The following HES2 variants were observed in gnomAD, a reference collection of about 807,000 sequenced individuals.
HES2 encodes transcription factor HES-2.
Under a neutral mutation model 11.9 loss-of-function variants are expected in HES2, and 11 were observed. That is an observed-to-expected ratio of 0.92 (90% CI 0.58 to 1.53). The LOEUF is 1.53. Ranked by LOEUF, HES2 falls within the 40% of genes most tolerant of loss-of-function variation. The pLI is 0.00. For missense variants in HES2, 260 were observed against 253.8 expected (o/e 1.02, Z -0.16); for synonymous variants, 125 against 122.8 (o/e 1.02, Z -0.12).
Position 6,416,964 on chromosome 1 carries a change from C to T in HES2, c.*1909G>A, listed in dbSNP as rs1642859454. ...TAAATATCCAACAGTGATCCCAGGG[C>T]ATGGGAGTGGGAGTTAAGGCAAATG... is the stretch of plus-strand genomic sequence containing the variant. On this transcript the variant is annotated 3_prime_UTR_variant, in exon 4 of 4. Transcript: ENST00000377834. 1 of 152,326 alleles carries T rather than the reference C, an allele frequency of 6.6e-6. No individual in the cohort carries two copies. Among genetic ancestry groups the T allele is most frequent in the Admixed American group, 6.5e-5 (1 of 15,280 alleles). The allele number at this position is 152,326 out of a possible 1,614,324, so 9.4% of individuals were successfully genotyped here. A position where few individuals can be genotyped will look rare whatever the true frequency, so the allele number is the denominator to read the frequency against.
rs981156652 is a variant in HES2, at chr1:6,419,548, G to A, written c.141+59C>T. On this transcript the variant is annotated intron_variant, in intron 2 of 3. Coordinates refer to ENST00000377834, the MANE Select transcript of HES2 (RefSeq NM_019089.5). This position sits in a 1 kb window ranked among gnomAD's most constrained non-coding sequence, Gnocchi z 8.1. ...TGGGTTCCTCCCGCAGGAGCACCCCGTCCCCCTGCCCCCGCTCCGCGCCCC... is the reference window on the plus strand; with the variant it reads ...TGGGTTCCTCCCGCAGGAGCACCCCATCCCCCTGCCCCCGCTCCGCGCCCC... 5.9e-6 allele frequency: 8 copies of A among 1,358,186 alleles called. No homozygotes were observed. The African/African-American group carries it at 1.2e-4, about 21-fold the overall frequency. The allele number at this position is 1,358,186 out of a possible 1,614,324, so 84.1% of individuals were successfully genotyped here. A position where few individuals can be genotyped will look rare whatever the true frequency, so the allele number is the denominator to read the frequency against.
chr1:6,418,725 G>T lies in HES2; in HGVS notation c.*148C>A. 1 of 754,578 alleles carries T rather than the reference G, an allele frequency of 1.3e-6. No individual in the cohort carries two copies. 46.7% of individuals were successfully genotyped at this position (754,578 alleles called of 1,614,324 possible). A position where few individuals can be genotyped will look rare whatever the true frequency, so the allele number is the denominator to read the frequency against. On this transcript the variant is annotated 3_prime_UTR_variant, in exon 4 of 4. Coordinates refer to ENST00000377834, the MANE Select transcript of HES2 (RefSeq NM_019089.5). ...AGCCCCAGGGCTTTCAGTCTGCCACGCCAGTCACAAACAGCCGGCTTCCGG... is the reference window on the plus strand; with the variant it reads ...AGCCCCAGGGCTTTCAGTCTGCCACTCCAGTCACAAACAGCCGGCTTCCGG...
In HES2 at chr1:6,419,444, G is replaced by T; in HGVS notation, c.142-104C>A. 1.7e-6 allele frequency: 2 copies of T among 1,200,924 alleles called. No individual in the cohort carries two copies. Among genetic ancestry groups the T allele is most frequent in the South Asian group, 1.4e-5 (1 of 70,478 alleles). 74.4% of individuals were successfully genotyped at this position (1,200,924 alleles called of 1,614,324 possible). On this transcript the variant is annotated intron_variant, in intron 2 of 3. Transcript: ENST00000377834. The surrounding 1 kb of genome is among the most constrained non-coding windows in gnomAD (Gnocchi z 8.1). ...TAGTCGGGAGCTGGGTGTGGGGCGC[G>T]CCGTGGCCTGCTGGGGGTCCGCTCC...
chr1:6,419,808 G>C lies in HES2; in HGVS notation c.13C>G (p.Arg5Gly). ...AGCTCCGCCGCGTCCCCTGCCCGGC[G>C]AGGCAGCCCCATGCTCCGCGGGGAA... The part of the protein sequence containing the change: MGLP[R>G]RAGDAAELRK... The change falls in exon 1 of 4, where the codon CGC becomes GGC. Residue 5 changes from arginine to glycine, a missense_variant. Arg to Gly is a moderately radical substitution (Grantham distance 125, BLOSUM62 -2). Transcript: ENST00000377834. The surrounding 1 kb of genome is among the most constrained non-coding windows in gnomAD (Gnocchi z 8.1). 1 of 1,563,250 alleles carries C rather than the reference G, an allele frequency of 6.4e-7. No individual in the cohort carries two copies. The highest frequency in any genetic ancestry group is 8.6e-7 in the Non-Finnish European group (1 of 1,159,554).
chr1:6,418,787 G>T lies in HES2; in HGVS notation c.*86C>A. ...GTACTGGGCTGGCCCCTAATGATGG[G>T]AACAGCAGCCGCCACCAAGAGCTTC... On this transcript the variant is annotated 3_prime_UTR_variant, in exon 4 of 4. Transcript: ENST00000377834. 1 of 1,236,038 alleles carries T rather than the reference G, an allele frequency of 8.1e-7. No homozygotes were observed. The highest frequency in any genetic ancestry group is 1.0e-6 in the Non-Finnish European group (1 of 984,214). 76.6% of individuals were successfully genotyped at this position (1,236,038 alleles called of 1,614,324 possible).
At position 6,419,898 on chromosome 1, in the gene HES2, C is replaced by T; in HGVS notation, c.-78G>A. ...GTCCGAAATGAGGTCCCGGGCGCGGCCCGGGCTGGTGCCAGACGAGTGCGC... is the reference window on the plus strand; with the variant it reads ...GTCCGAAATGAGGTCCCGGGCGCGGTCCGGGCTGGTGCCAGACGAGTGCGC... On this transcript the variant is annotated 5_prime_UTR_variant, in exon 1 of 4. Transcript: ENST00000377834. This position sits in a 1 kb window ranked among gnomAD's most constrained non-coding sequence, Gnocchi z 8.1. The T allele has an allele frequency of 4.9e-6, 7 of 1,440,210 alleles. No homozygotes were observed. Among genetic ancestry groups the T allele is most frequent in the Non-Finnish European group, 6.4e-6 (7 of 1,097,028 alleles). 89.2% of individuals were successfully genotyped at this position (1,440,210 alleles called of 1,614,324 possible).
Position 6,418,626 on chromosome 1 carries a change from C to T in HES2, c.*247G>A. 2 of 391,544 alleles carry T rather than the reference C, an allele frequency of 5.1e-6. No individual in the cohort carries two copies. Among genetic ancestry groups the T allele is most frequent in the Non-Finnish European group, 4.5e-6 (1 of 223,146 alleles). 24.3% of individuals were successfully genotyped at this position (391,544 alleles called of 1,614,324 possible). A position where few individuals can be genotyped will look rare whatever the true frequency, so the allele number is the denominator to read the frequency against. On this transcript the variant is annotated 3_prime_UTR_variant, in exon 4 of 4. Transcript: ENST00000377834. The stretch of plus-strand genomic sequence containing the variant: ...GGGGGGCTTCTTCTTCACCCTGCTG[C>T]CTCTTGTCCTTTCTTCTCCAGCCAA...
At position 6,417,030 on chromosome 1, in the gene HES2, C is replaced by T. The variant is rs1325383576; in HGVS notation, c.*1843G>A. Reference sequence around the variant, plus strand: ...CTCATTACAGGGTAGTCCTCTCATCCTCTGCTCACTAGTCCACTATATTCA... The same window carrying T: ...CTCATTACAGGGTAGTCCTCTCATCTTCTGCTCACTAGTCCACTATATTCA... On this transcript the variant is annotated 3_prime_UTR_variant, in exon 4 of 4. Transcript: ENST00000377834. 2.0e-5 allele frequency: 3 copies of T among 152,282 alleles called. No individual in the cohort carries two copies. The highest frequency in any genetic ancestry group is 7.2e-5 in the African/African-American group (3 of 41,454). 9.4% of individuals were successfully genotyped at this position (152,282 alleles called of 1,614,324 possible).
Position 6,419,484 on chromosome 1 carries a change from AC to A in HES2, c.141+122del. ...GGGTCCGCTCCGACGCGCCCACCCC[AC>A]CCAGGCTCCGCCTCGGGCGCCGCGC... is the stretch of plus-strand genomic sequence containing the variant. On this transcript the variant is annotated intron_variant, in intron 2 of 3. Coordinates refer to ENST00000377834, the MANE Select transcript of HES2 (RefSeq NM_019089.5). This position sits in a 1 kb window ranked among gnomAD's most constrained non-coding sequence, Gnocchi z 8.1. 1 of 1,168,882 alleles carries A rather than the reference AC, an allele frequency of 8.6e-7. No homozygotes were observed. The highest frequency in any genetic ancestry group is 1.2e-6 in the Non-Finnish European group (1 of 852,902). The allele number at this position is 1,168,882 out of a possible 1,614,324, so 72.4% of individuals were successfully genotyped here.
In HES2 at chr1:6,418,777, C is replaced by G. The variant is rs1642877064; in HGVS notation, c.*96G>C. 13 of 1,201,778 alleles carry G rather than the reference C, an allele frequency of 1.1e-5. No homozygotes were observed. The highest frequency in any genetic ancestry group is 1.4e-5 in the Non-Finnish European group (13 of 955,180). 74.4% of individuals were successfully genotyped at this position (1,201,778 alleles called of 1,614,324 possible). On this transcript the variant is annotated 3_prime_UTR_variant, in exon 4 of 4. Transcript: ENST00000377834. Reference sequence around the variant, plus strand: ...CTGGGTGTGGGTACTGGGCTGGCCCCTAATGATGGGAACAGCAGCCGCCAC... The same window carrying G: ...CTGGGTGTGGGTACTGGGCTGGCCCGTAATGATGGGAACAGCAGCCGCCAC...
chr1:6,419,336 G>T lies in HES2; in HGVS notation c.146C>A (p.Ser49Tyr). 6.2e-7 allele frequency: 1 copy of T among 1,609,580 alleles called. No homozygotes were observed. ...TGCCTTCTCTAGCTTCGAGCAGTTG[G>T]AGTTCTGCGCCCGGCCACGAGGAAG... ...LILPLLGREN[S>Y]NCSKLEKADV... The change falls in exon 3 of 4, where the codon TCC (serine) becomes TAC (tyrosine). Residue 49 changes from serine (S) to tyrosine (Y), a missense_variant. Physicochemically the swap from Ser to Tyr is moderately radical, Grantham distance 144. Transcript: ENST00000377834. The surrounding 1 kb of genome is among the most constrained non-coding windows in gnomAD (Gnocchi z 8.1).
chr1:6,418,749 G>C lies in HES2; in HGVS notation c.*124C>G. ...CGCCAGTCACAAACAGCCGGCTTCC[G>C]GCCTGGGTGTGGGTACTGGGCTGGC... On this transcript the variant is annotated 3_prime_UTR_variant, in exon 4 of 4. Transcript: ENST00000377834. 9.9e-7 allele frequency: 1 copy of C among 1,010,804 alleles called. No homozygotes were observed. The highest frequency in any genetic ancestry group is 1.3e-6 in the Non-Finnish European group (1 of 785,950). The allele number at this position is 1,010,804 out of a possible 1,614,324, so 62.6% of individuals were successfully genotyped here.
Position 6,419,431 on chromosome 1 carries a change from G to T in HES2, c.142-91C>A. ...CGCACCCTCGCTCTAGTCGGGAGCT[G>T]GGTGTGGGGCGCGCCGTGGCCTGCT... On this transcript the variant is annotated intron_variant, in intron 2 of 3. Transcript: ENST00000377834. This position sits in a 1 kb window ranked among gnomAD's most constrained non-coding sequence, Gnocchi z 8.1. The T allele has an allele frequency of 7.9e-7, 1 of 1,266,444 alleles. No individual in the cohort carries two copies. The highest frequency in any genetic ancestry group is 1.1e-6 in the Non-Finnish European group (1 of 912,924). 78.5% of individuals were successfully genotyped at this position (1,266,444 alleles called of 1,614,324 possible).
Position 6,419,369 on chromosome 1 carries a change from G to T in HES2, c.142-29C>A. ...CGCCCGGCCACGAGGAAGAGCGACA[G>T]AGAACCACCAAGACAGAACTTTGGC... On this transcript the variant is annotated intron_variant, in intron 2 of 3. Transcript: ENST00000377834. The surrounding 1 kb of genome is among the most constrained non-coding windows in gnomAD (Gnocchi z 8.1). 1 of 1,576,668 alleles carries T rather than the reference G, an allele frequency of 6.3e-7. No individual in the cohort carries two copies.
At position 6,416,322 on chromosome 1, in the gene HES2, G is replaced by T. The variant is rs1195373952; in HGVS notation, c.*2551C>A. On this transcript the variant is annotated 3_prime_UTR_variant, in exon 4 of 4. Coordinates refer to ENST00000377834, the MANE Select transcript of HES2 (RefSeq NM_019089.5). ...AGATAGGGCTTGGGGGGCACCTGAGGAGGAGGTGCCTGCCACTGCCTGTGG... is the reference window on the plus strand; with the variant it reads ...AGATAGGGCTTGGGGGGCACCTGAGTAGGAGGTGCCTGCCACTGCCTGTGG... 1 of 152,296 alleles carries T rather than the reference G, an allele frequency of 6.6e-6. No individual in the cohort carries two copies. Among genetic ancestry groups the T allele is most frequent in the Non-Finnish European group, 1.5e-5 (1 of 68,104 alleles). The allele number at this position is 152,296 out of a possible 1,614,324, so 9.4% of individuals were successfully genotyped here. A position where few individuals can be genotyped will look rare whatever the true frequency, so the allele number is the denominator to read the frequency against.
chr1:6,415,678 G>T lies in HES2; in HGVS notation c.*3195C>A, dbSNP rs539707536. The T allele has an allele frequency of 6.5e-4, 99 of 152,322 alleles. No individual in the cohort carries two copies. The highest frequency in any genetic ancestry group is 2.1e-3 in the African/African-American group (88 of 41,564). The allele number at this position is 152,322 out of a possible 1,614,324, so 9.4% of individuals were successfully genotyped here. A position where few individuals can be genotyped will look rare whatever the true frequency, so the allele number is the denominator to read the frequency against. ...AGGAGCAGGTAGGCGCCTGTCCCAAGCCTGAGTTTCCTGGGAAATCTACAT... is the reference window on the plus strand; with the variant it reads ...AGGAGCAGGTAGGCGCCTGTCCCAATCCTGAGTTTCCTGGGAAATCTACAT... On this transcript the variant is annotated 3_prime_UTR_variant, in exon 4 of 4. Coordinates refer to ENST00000377834, the MANE Select transcript of HES2 (RefSeq NM_019089.5).
chr1:6,417,847 G>T lies in HES2; in HGVS notation c.*1026C>A, dbSNP rs1642868582. 6.6e-6 allele frequency: 1 copy of T among 152,300 alleles called. No homozygotes were observed. The highest frequency in any genetic ancestry group is 2.1e-4 in the South Asian group (1 of 4,836). 9.4% of individuals were successfully genotyped at this position (152,300 alleles called of 1,614,324 possible). A position where few individuals can be genotyped will look rare whatever the true frequency, so the allele number is the denominator to read the frequency against. Reference sequence around the variant, plus strand: ...GATCCACCCGCCTTGGCCTCCCAAAGTGCTGGGATTACAGGCGTGAGCCAC... The same window carrying T: ...GATCCACCCGCCTTGGCCTCCCAAATTGCTGGGATTACAGGCGTGAGCCAC... On this transcript the variant is annotated 3_prime_UTR_variant, in exon 4 of 4. Coordinates refer to ENST00000377834, the MANE Select transcript of HES2 (RefSeq NM_019089.5).
Position 6,416,055 on chromosome 1 carries a change from G to A in HES2, c.*2818C>T, listed in dbSNP as rs983014914. The A allele has an allele frequency of 6.6e-6, 1 of 152,326 alleles. No individual in the cohort carries two copies. The highest frequency in any genetic ancestry group is 1.5e-5 in the Non-Finnish European group (1 of 68,114). The allele number at this position is 152,326 out of a possible 1,614,324, so 9.4% of individuals were successfully genotyped here. A position where few individuals can be genotyped will look rare whatever the true frequency, so the allele number is the denominator to read the frequency against. ...GGTCTCCCGAAGTGCTGGCATTACA[G>A]ACGTGAGCCACTGCGCCCGGCCTTG... On this transcript the variant is annotated 3_prime_UTR_variant, in exon 4 of 4. Transcript: ENST00000377834.
rs1427322696 is a variant in HES2 at position 6,415,909 on chromosome 1, G to A, written c.*2964C>T. The A allele has an allele frequency of 6.6e-6, 1 of 152,258 alleles. No individual in the cohort carries two copies. Among genetic ancestry groups the A allele is most frequent in the African/African-American group, 2.4e-5 (1 of 41,458 alleles). 9.4% of individuals were successfully genotyped at this position (152,258 alleles called of 1,614,324 possible). ...TTATCCCTCCTCAGCCTCCCAAGTA[G>A]CTGGGGTTACAGGCACCCGCCGTCA... is the stretch of plus-strand genomic sequence containing the variant. On this transcript the variant is annotated 3_prime_UTR_variant, in exon 4 of 4. Coordinates refer to ENST00000377834, the MANE Select transcript of HES2 (RefSeq NM_019089.5).
Sources: gnomAD v4.1 joint callset for allele counts on GRCh38, gnomAD v4.1.1 for gene constraint, Gnocchi (gnomAD v3.1) non-coding constraint, MANE v1.5 for transcripts, NCBI Gene and HGNC (gene_info 2026-07-23, HGNC 2026-07-21) for gene names.